PVT1: variants seen among roughly 807,000 people sequenced by gnomAD.
The protein encoded by PVT1 is CXCR4/PVT1 fusion.
intron 5 of PVT1, among the ~76,000 whole-genome samples, chr8:128,094,649 G>A (rs1424586765): frequency 2.6e-5 from 4 of 152,222 alleles, no homozygotes; most frequent in African/African-American, 4.8e-5. Flanking sequence ...ATGTTAAAGT[G>A]CTTGATATCA....
chr8:128,036,338 G>A (rs1813461429), intron 4 of PVT1, among the ~76,000 whole-genome samples: 1 of 152,220 alleles, frequency 6.6e-6, no homozygotes, highest in South Asian at 2.1e-4. Flanking sequence ...CTGGAGCACA[G>A]TATGTACCCC....
At chr8:127,982,100 C>A (rs1816888547) in intron 3 of PVT1, among the ~76,000 whole-genome samples, 1 of 152,194 alleles carries the variant, frequency 6.6e-6, no homozygotes, top group African/African-American at 2.4e-5. Context: ...GACGTGGTTT[C>A]TTGAAATGTA....
chr8:127,939,194 T>G (rs1339341707), intron 3 of PVT1, among the ~76,000 whole-genome samples: 1 of 152,192 alleles, frequency 6.6e-6, no homozygotes, highest in African/African-American at 2.4e-5. Flanking sequence ...CCTTCTCACT[T>G]GACCAACATA....
chr8:127,816,514 T>A lies in PVT1; in HGVS notation n.372+20443T>A, dbSNP rs1323931297. ...AAAAAAAAAAAACCCATGCGTATTC[T>A]TTTTTTTTTCTTTTTTTTTTGAGAT... On this transcript the variant is annotated intron_variant and non_coding_transcript_variant, in intron 2 of 10. Transcript: ENST00000651587. 3.3e-5 allele frequency among the ~76,000 whole-genome samples: 5 copies of A among 149,300 alleles called. No homozygotes were observed. The East Asian group carries it at 9.7e-4, about 29-fold the overall frequency.
At chr8:128,067,856 A>C (rs1813928732) in intron 4 of PVT1, among the ~76,000 whole-genome samples, 2 of 152,028 alleles carry the variant, frequency 1.3e-5, no homozygotes, top group African/African-American at 4.8e-5. Flanking sequence ...AGGATGGAAG[A>C]GACTGATCAT....
intron 3 of PVT1, among the ~76,000 whole-genome samples, chr8:127,986,721 T>C (rs959504649): frequency 1.3e-5 from 2 of 152,154 alleles, no homozygotes; most frequent in African/African-American, 2.4e-5. Flanking sequence ...ACCTTCTGCT[T>C]TGCACCGGGC....
chr8:128,087,747 C>CTTTTTTTTTTTTTTTTTTTTTTTTTT (rs71568675), intron 5 of PVT1, among the ~76,000 whole-genome samples: 5 of 76,588 alleles, frequency 6.5e-5, no homozygotes, highest in African/African-American at 2.4e-4. Flanking sequence ...TGATGTGCTA[C>CTTTTTTTTTTTTTTTTTTTTTTTTTT]TTTTTTTTTT....
chr8:128,096,206 T>C (rs1814427184), intron 5 of PVT1, among the ~76,000 whole-genome samples: 1 of 152,020 alleles, frequency 6.6e-6, no homozygotes, highest in Admixed American at 6.5e-5. Context: ...TCCATCATGG[T>C]GAATGGCATG....
At chr8:127,829,546 A>T (rs1213657714) in intron 2 of PVT1, among the ~76,000 whole-genome samples, 1 of 152,178 alleles carries the variant, frequency 6.6e-6, no homozygotes. Context: ...TCTATTCTAT[A>T]AAAAGAGGGT....
intron 3 of PVT1, among the ~76,000 whole-genome samples, chr8:127,962,839 G>A (rs1351347995): frequency 1.3e-5 from 2 of 151,692 alleles, no homozygotes; most frequent in Non-Finnish European, 1.5e-5. Context: ...TCAGGTGATC[G>A]CCCACCTCGG....
At chr8:128,000,580 G>A (rs1817164439) in intron 4 of PVT1, among the ~76,000 whole-genome samples, 2 of 152,250 alleles carry the variant, frequency 1.3e-5, no homozygotes, top group African/African-American at 2.4e-5. Context: ...GCCCAGAATG[G>A]CCAGACCTGG....
chr8:127,906,635 C>T (rs547619903), intron 3 of PVT1, among the ~76,000 whole-genome samples: 3 of 152,142 alleles, frequency 2.0e-5, no homozygotes, highest in East Asian at 1.9e-4. Context: ...TTTTGCCATC[C>T]GGAGAATCCA....
intron 3 of PVT1, among the ~76,000 whole-genome samples, chr8:127,920,258 C>T (rs910832108): frequency 2.6e-5 from 4 of 152,206 alleles, no homozygotes; most frequent in African/African-American, 7.2e-5. Flanking sequence ...AGCAGAAACT[C>T]GTAGCTGACC....
At position 127,898,717 on chromosome 8, in the gene PVT1, G is replaced by A. The variant is rs1480946988; in HGVS notation, n.782+7719G>A. Reference sequence around the variant, plus strand: ...GAGGCAGATTATTTCCCTGTGGTGGGGGTGAGGCGGTGGCGTGGGGGCTTC... The same window carrying A: ...GAGGCAGATTATTTCCCTGTGGTGGAGGTGAGGCGGTGGCGTGGGGGCTTC... On this transcript the variant is annotated intron_variant and non_coding_transcript_variant, in intron 3 of 10. Transcript: ENST00000651587. The surrounding 1 kb of genome is among the most constrained non-coding windows in gnomAD (Gnocchi z 4.4). Among the ~76,000 whole-genome samples the A allele has an allele frequency of 6.6e-6, 1 of 152,186 alleles. No homozygotes were observed. Among genetic ancestry groups the A allele is most frequent in the Admixed American group, 6.5e-5 (1 of 15,276 alleles).
intron 3 of PVT1, among the ~76,000 whole-genome samples, chr8:127,900,737 T>A (rs551657289): frequency 6.6e-6 from 1 of 152,282 alleles, no homozygotes; most frequent in East Asian, 1.9e-4. Context: ...TCTGGGTGTG[T>A]CCCAGGAGTA....
chr8:127,853,227 G>A (rs910199103), intron 2 of PVT1, among the ~76,000 whole-genome samples: 1 of 152,112 alleles, frequency 6.6e-6, no homozygotes, highest in Non-Finnish European at 1.5e-5. Flanking sequence ...CGGGGAAAGT[G>A]ACTCCTGCAA....
intron 4 of PVT1, chr8:128,010,381 A>G (rs1018006238): frequency 1.3e-5 from 2 of 152,232 alleles, no homozygotes; most frequent in African/African-American, 4.8e-5. Context: ...TACAGCAGCC[A>G]ACTTCTTCGC....
chr8:128,060,409 A>G (rs1334767467), intron 4 of PVT1, among the ~76,000 whole-genome samples: 2 of 152,226 alleles, frequency 1.3e-5, no homozygotes, highest in Non-Finnish European at 2.9e-5. Context: ...AAATGCAGCC[A>G]CTTCATAGCA....
At chr8:127,928,397 C>T (rs1301007170) in intron 3 of PVT1, among the ~76,000 whole-genome samples, 3 of 152,174 alleles carry the variant, frequency 2.0e-5, no homozygotes, top group Admixed American at 2.0e-4. Flanking sequence ...CCCTATCTTT[C>T]TCCTACACTG....
Sources: allele counts gnomAD v4.1 joint callset (sites outside exome capture counted in the v4.1 genomes callset), GRCh38; gene constraint gnomAD v4.1.1; non-coding constraint Gnocchi (gnomAD v3.1); transcripts MANE v1.5; gene names NCBI Gene and HGNC (gene_info 2026-07-23, HGNC 2026-07-21).